Variants in BMX observed in about 807,000 individuals in gnomAD.
BMX encodes cytoplasmic tyrosine-protein kinase BMX.
In BMX, 31 loss-of-function variants were observed where a neutral mutation model predicts 59.2. That is an observed-to-expected ratio of 0.52 (90% confidence interval 0.39 to 0.71). The LOEUF is 0.71. Among genes scored for constraint, BMX ranks in the 30% least tolerant of loss-of-function variants. The pLI is 0.00. For missense variants in BMX, 474 were observed against 491.7 expected (o/e 0.96, Z 0.34); for synonymous variants, 185 against 181.0 (o/e 1.02, Z -0.18).
chrX:15,537,415 A>G lies in BMX; in HGVS notation c.1394+110A>G. ...CCTAGAGCAAAAGTCCACATACTGT[A>G]TCATAGACATAAATATTTAGAAGTT... On this transcript the variant is annotated intron_variant, in intron 14 of 18. Coordinates refer to ENST00000348343, the MANE Select transcript of BMX (RefSeq NM_203281.3). 12 of 782,612 alleles carry G rather than the reference A, an allele frequency of 1.5e-5. No individual in the cohort carries two copies. The South Asian group carries it at 2.9e-4, about 19-fold the overall frequency. 64.5% of individuals were successfully genotyped at this position (782,612 alleles called of 1,213,427 possible).
chrX:15,518,342 C>T (rs886312617), intron 6 of BMX, among the ~76,000 whole-genome samples: 2 of 111,152 alleles, frequency 1.8e-5, no homozygotes, highest in African/African-American at 6.5e-5. Flanking sequence ...TCTTTCCTTA[C>T]CATCAACATG....
chrX:15,536,986 T>G (rs945021208), intron 13 of BMX, 148 bp from the exon 14 acceptor site: 4 of 282,145 alleles, frequency 1.4e-5, no homozygotes, highest in Admixed American at 6.3e-5. Flanking sequence ...TCACTAAGGG[T>G]TTTTTTTTTT....
At chrX:15,554,858 A>C (rs1203192335) in intron 18 of BMX, among the ~76,000 whole-genome samples, 1 of 110,570 alleles carries the variant, frequency 9.0e-6, no homozygotes, top group Non-Finnish European at 1.9e-5. Context: ...TGCCACCCTA[A>C]TATTATACTA....
In BMX at chrX:15,541,292, T is replaced by C. The variant is rs752946294; in HGVS notation, c.1395-690T>C. 3.6e-5 allele frequency among the ~76,000 whole-genome samples: 4 copies of C among 111,000 alleles called. No homozygotes were observed. The South Asian group carries it at 1.5e-3, about 42-fold the overall frequency. On this transcript the variant is annotated intron_variant, in intron 14 of 18. Transcript: ENST00000348343. Reference sequence around the variant, plus strand: ...AGCTACATTACGCTCCATTTTCTTCTACTTAACTTTATCATTTTAAAAAGG... The same window carrying C: ...AGCTACATTACGCTCCATTTTCTTCCACTTAACTTTATCATTTTAAAAAGG...
chrX:15,549,829 G>C lies in BMX; in HGVS notation c.1796-11G>C, dbSNP rs758980158. 18 of 1,193,732 alleles carry C rather than the reference G, an allele frequency of 1.5e-5. No individual in the cohort carries two copies. Among genetic ancestry groups the C allele is most frequent in the Non-Finnish European group, 2.0e-5 (18 of 885,215 alleles). On this transcript the variant is annotated splice_polypyrimidine_tract_variant and intron_variant, in intron 17 of 18. Transcript: ENST00000348343. The stretch of plus-strand genomic sequence containing the variant: ...CCTTTTTTATCTGGGCCACCTCTTG[G>C]TGTGGTGCAGGGATCCTGATGTGGG...
intron 14 of BMX, among the ~76,000 whole-genome samples, chrX:15,541,593 T>C (rs919326291): frequency 8.9e-6 from 1 of 111,830 alleles, no homozygotes; most frequent in Non-Finnish European, 1.9e-5. Flanking sequence ...ATGTGAAAGT[T>C]AATAAAAGAG....
In BMX at chrX:15,537,087, A is replaced by G. The variant is rs771317999; in HGVS notation, c.1223-47A>G. On this transcript the variant is annotated intron_variant, in intron 13 of 18. Transcript: ENST00000348343. ...AATCACTTGGGAAGCTGTTAGCCCC[A>G]AAGCTTTCTATGCTCGTCCTAAAGA... 29 of 1,192,119 alleles carry G rather than the reference A, an allele frequency of 2.4e-5. No homozygotes were observed. The African/African-American group carries it at 4.6e-4, about 19-fold the overall frequency.
chrX:15,508,324 T>C, intron 1 of BMX, 21 bp from the exon 2 acceptor site: 2 of 1,052,479 alleles, frequency 1.9e-6, no homozygotes, highest in Non-Finnish European at 2.5e-6. Flanking sequence ...AATACTCATT[T>C]TAATTATTTA....
chrX:15,508,595 C>A, intron 2 of BMX, 104 bp downstream of exon 2: 1 of 622,082 alleles, frequency 1.6e-6, no homozygotes, highest in Non-Finnish European at 2.4e-6. Context: ...TCTTAACTTA[C>A]ACTGTGAAGA....
intron 5 of BMX, among the ~76,000 whole-genome samples, chrX:15,516,544 A>G (rs890899079): frequency 1.4e-4 from 16 of 111,856 alleles, no homozygotes; most frequent in Non-Finnish European, 2.4e-4. Context: ...GGTTCAAGAT[A>G]AACTCCAAAA....
At chrX:15,508,780 A>G (rs7891821) in intron 2 of BMX, among the ~76,000 whole-genome samples, 1,479 of 112,168 alleles carry the variant, frequency 0.013, 23 homozygotes, top group African/African-American at 0.045. Context: ...GACTGGAGAT[A>G]TTTTGGGTTG....
chrX:15,531,570 C>T (rs1925073978), intron 11 of BMX, among the ~76,000 whole-genome samples, 163 bp downstream of exon 11: 1 of 111,532 alleles, frequency 9.0e-6, no homozygotes, highest in Non-Finnish European at 1.9e-5. Context: ...CCACCACTCT[C>T]ACCCCACTGC....
intron 9 of BMX, among the ~76,000 whole-genome samples, chrX:15,526,540 C>T (rs1380605928): frequency 9.2e-6 from 1 of 109,284 alleles, no homozygotes; most frequent in Non-Finnish European, 1.9e-5. Context: ...TTGAACATGG[C>T]AATATTTATG....
chrX:15,512,180 G>T (rs773304599), intron 4 of BMX, among the ~76,000 whole-genome samples: 2 of 111,129 alleles, frequency 1.8e-5, no homozygotes, highest in African/African-American at 6.6e-5. Flanking sequence ...TGTTTAGGCC[G>T]CCCTGGTAAC....
chrX:15,536,231 CAACAT>C, intron 12 of BMX, 117 bp from the exon 13 acceptor site: 1 of 654,266 alleles, frequency 1.5e-6, no homozygotes, highest in Non-Finnish European at 2.3e-6. Context: ...CTCTGCATTA[CAACAT>C]TCTGAACTCT....
At chrX:15,542,352 T>G (rs780478932) in intron 15 of BMX, among the ~76,000 whole-genome samples, 154 bp downstream of exon 15, 2 of 111,777 alleles carry the variant, frequency 1.8e-5, no homozygotes, top group African/African-American at 3.3e-5. Context: ...TTTACAAAAA[T>G]CAATGTAAAA....
chrX:15,509,258 G>T, intron 2 of BMX, 71 bp from the exon 3 acceptor site: 2 of 483,809 alleles, frequency 4.1e-6, no homozygotes, highest in Non-Finnish European at 5.7e-6. Context: ...GGCATAACTT[G>T]GGCTTTATGC....
At chrX:15,503,831 C>T (rs1923650388) in intron 1 of BMX, among the ~76,000 whole-genome samples, 1 of 112,105 alleles carries the variant, frequency 8.9e-6, no homozygotes, top group Non-Finnish European at 1.9e-5. Context: ...TCTATTGCAG[C>T]TCCATAAGCT....
intron 4 of BMX, among the ~76,000 whole-genome samples, chrX:15,513,353 T>C: frequency 8.9e-6 from 1 of 112,006 alleles, no homozygotes; most frequent in Non-Finnish European, 1.9e-5. Flanking sequence ...CTATATCTGA[T>C]GGCCATTGAT....
Sources: gnomAD v4.1 joint callset for allele counts (sites outside exome capture counted in the v4.1 genomes callset) on GRCh38, gnomAD v4.1.1 for gene constraint, MANE v1.5 for transcripts, NCBI Gene and HGNC (gene_info 2026-07-23, HGNC 2026-07-21) for gene names.